The following NQO1 variants were observed in gnomAD, a reference collection of about 807,000 sequenced individuals.
NQO1 encodes the protein NAD(P)H quinone dehydrogenase 1, also known as NAD(P)H dehydrogenase [quinone] 1.
A neutral mutation model predicts 32.1 loss-of-function variants in NQO1; 30 were observed. That is an observed-to-expected ratio of 0.94 (90% CI 0.70 to 1.27). The LOEUF (loss-of-function observed/expected upper bound fraction) is 1.27, where lower values mean the gene tolerates loss of function less well. Among genes scored for constraint, NQO1 ranks in the 50% most tolerant of loss-of-function variants. NQO1 has a pLI of 0.00. For synonymous variants in NQO1, 109 were observed against 119.7 expected (o/e 0.91, Z 0.59); for missense variants, 276 against 331.3 (o/e 0.83, Z 1.30).
intron 3 of NQO1, among the ~76,000 whole-genome samples, chr16:69,716,160 C>T (rs1648060333): frequency 6.7e-6 from 1 of 148,530 alleles, no homozygotes; most frequent in African/African-American, 2.5e-5. Flanking sequence ...AGCAAGACTC[C>T]ATCTCTAAAT....
intron 3 of NQO1, among the ~76,000 whole-genome samples, chr16:69,716,186 A>ATC (rs1555537915): frequency 0.12 from 14,137 of 118,860 alleles, 840 homozygotes; most frequent in African/African-American, 0.19. Flanking sequence ...TAATAATAAT[A>ATC]ATAATAATCA....
intron 4 of NQO1, 21 bp downstream of exon 4, chr16:69,714,943 C>T (rs997519455): frequency 3.3e-6 from 5 of 1,536,018 alleles, no homozygotes; most frequent in South Asian, 2.2e-5. Context: ...GCTGTCAGAG[C>T]ATTCAGAACC....
chr16:69,723,892 A>G (rs1394437874), intron 1 of NQO1, among the ~76,000 whole-genome samples: 2 of 152,198 alleles, frequency 1.3e-5, no homozygotes, highest in Admixed American at 1.3e-4. Context: ...CCACTTAACT[A>G]GCTGAGCAAC....
chr16:69,710,365 A>T lies in NQO1; in HGVS notation c.*611T>A, dbSNP rs938867455. 4.6e-5 allele frequency: 7 copies of T among 151,502 alleles called. No individual in the cohort carries two copies. The highest frequency in any genetic ancestry group is 1.7e-4 in the African/African-American group (7 of 41,112). 9.4% of individuals were successfully genotyped at this position (151,502 alleles called of 1,614,324 possible). A position where few individuals can be genotyped will look rare whatever the true frequency, so the allele number is the denominator to read the frequency against. ...TTTTTTTTAATTAAAAAAAAAGTAG[A>T]TGACTGCAGCAAAGAAGAGATTTAT... On this transcript the variant is annotated 3_prime_UTR_variant, in exon 6 of 6. Coordinates refer to ENST00000320623, the MANE Select transcript of NQO1 (RefSeq NM_000903.3).
At position 69,710,057 on chromosome 16, in the gene NQO1, G is replaced by T. The variant is rs947759285; in HGVS notation, c.*919C>A. On this transcript the variant is annotated 3_prime_UTR_variant, in exon 6 of 6. Coordinates refer to ENST00000320623, the MANE Select transcript of NQO1 (RefSeq NM_000903.3). Reference sequence around the variant, plus strand: ...TAAAGTAGAAGATTGCAAGGGCCAGGTGTGGTGGATCACGCCTGTAATCCC... The same window carrying T: ...TAAAGTAGAAGATTGCAAGGGCCAGTTGTGGTGGATCACGCCTGTAATCCC... 1.6e-5 allele frequency: 5 copies of T among 313,628 alleles called. No individual in the cohort carries two copies. The highest frequency in any genetic ancestry group is 2.9e-5 in the Non-Finnish European group (5 of 173,402). 19.4% of individuals were successfully genotyped at this position (313,628 alleles called of 1,614,324 possible). A position where few individuals can be genotyped will look rare whatever the true frequency, so the allele number is the denominator to read the frequency against.
At chr16:69,716,448 C>T (rs1257050724) in intron 3 of NQO1, among the ~76,000 whole-genome samples, 1 of 151,476 alleles carries the variant, frequency 6.6e-6, no homozygotes, top group Non-Finnish European at 1.5e-5. Context: ...GCCGAGATTG[C>T]ACCATTGCAC....
At chr16:69,715,990 G>A (rs2038107307) in intron 3 of NQO1, among the ~76,000 whole-genome samples, 1 of 150,586 alleles carries the variant, frequency 6.6e-6, no homozygotes, top group Non-Finnish European at 1.5e-5. Context: ...AACAAAGTGA[G>A]ACTTTGTCTC....
intron 3 of NQO1, among the ~76,000 whole-genome samples, chr16:69,715,589 G>A (rs1044781136): frequency 1.3e-5 from 2 of 152,078 alleles, no homozygotes; most frequent in African/African-American, 4.8e-5. Context: ...CCAACATGGT[G>A]AAACCTCATC....
At chr16:69,715,134 T>C in intron 3 of NQO1, 57 bp from the exon 4 acceptor site, 1 of 1,318,296 alleles carries the variant, frequency 7.6e-7, no homozygotes, top group Admixed American at 1.7e-5. Flanking sequence ...GCCCAGAAGG[T>C]GGCTCGGAGT....
At chr16:69,713,850 G>A (rs2038073308) in intron 4 of NQO1, among the ~76,000 whole-genome samples, 1 of 151,006 alleles carries the variant, frequency 6.6e-6, no homozygotes, top group Non-Finnish European at 1.5e-5. Context: ...GATTACAGGT[G>A]CCCACCACCA....
rs1373529993 is a variant in NQO1 at position 69,715,538 on chromosome 16, C to T, written c.304-461G>A. ...ATCCCAGCCCTTTGGGAGGCCAAGG[C>T]GGGTGGATCACTTGAGGGCATGAGT... On this transcript the variant is annotated intron_variant, in intron 3 of 5. Transcript: ENST00000320623. 1.3e-4 allele frequency among the ~76,000 whole-genome samples: 20 copies of T among 152,094 alleles called. No individual in the cohort carries two copies. The South Asian group carries it at 2.3e-3, about 17-fold the overall frequency.
rs1057304361 is a variant in NQO1 at position 69,710,170 on chromosome 16, T to A, written c.*806A>T. On this transcript the variant is annotated 3_prime_UTR_variant, in exon 6 of 6. Coordinates refer to ENST00000320623, the MANE Select transcript of NQO1 (RefSeq NM_000903.3). ...CAACATGGTGAAACGCCGTCTCTAC[T>A]AAAAATACAAAAATTAGTCAGGCAT... 2 of 157,580 alleles carry A rather than the reference T, an allele frequency of 1.3e-5. No homozygotes were observed. Among genetic ancestry groups the A allele is most frequent in the African/African-American group, 4.8e-5 (2 of 41,468 alleles). The allele number at this position is 157,580 out of a possible 1,614,324, so 9.8% of individuals were successfully genotyped here. A position where few individuals can be genotyped will look rare whatever the true frequency, so the allele number is the denominator to read the frequency against.
chr16:69,711,035 CAGAA>C lies in NQO1; in HGVS notation c.762_765del (p.Ser255TrpfsTer23), dbSNP rs752026143. ...ATGGACTTGCCCAAGTGATGGCCCA[CAGAA>C]AGGCCAAATTTCTTGTTTTTCTCCT... On this transcript the variant is annotated frameshift_variant, in exon 6 of 6. Transcript: ENST00000320623. LOFTEE classifies it high-confidence loss of function. 1 of 1,614,208 alleles carries C rather than the reference CAGAA, an allele frequency of 6.2e-7. No individual in the cohort carries two copies. The highest frequency in any genetic ancestry group is 8.5e-7 in the Non-Finnish European group (1 of 1,180,044).
At chr16:69,722,160 CAGGGTG>C (rs764185279) in intron 1 of NQO1, among the ~76,000 whole-genome samples, 5 of 51,050 alleles carry the variant, frequency 9.8e-5, no homozygotes, top group African/African-American at 4.3e-4. Flanking sequence ...ACTTTTTTGG[CAGGGTG>C]GGGGTGGGGG....
Position 69,718,268 on chromosome 16 carries a change from AAGAG to A in NQO1, c.173-19_173-16del, listed in dbSNP as rs771505464. ...CTTCAGTTTACCTGCAGAGAAGAAAAAGAGAGGCTGGGGCCAGAGGGGCCAAAGC... is the reference window on the plus strand; with the variant it reads ...CTTCAGTTTACCTGCAGAGAAGAAAAAGGCTGGGGCCAGAGGGGCCAAAGC... On this transcript the variant is annotated splice_polypyrimidine_tract_variant and intron_variant, in intron 2 of 5. Transcript: ENST00000320623. 78 of 1,613,810 alleles carry A rather than the reference AAGAG, an allele frequency of 4.8e-5. 4 individuals are homozygous for A. The South Asian group carries it at 8.2e-4, about 17-fold the overall frequency.
intron 3 of NQO1, among the ~76,000 whole-genome samples, chr16:69,715,292 A>G (rs1372978271): frequency 6.6e-6 from 1 of 152,236 alleles, no homozygotes; most frequent in Non-Finnish European, 1.5e-5. Flanking sequence ...TGAAAATGCA[A>G]ATATTGAGTG....
chr16:69,723,009 G>A (rs1200984558), intron 1 of NQO1, among the ~76,000 whole-genome samples: 3 of 152,080 alleles, frequency 2.0e-5, no homozygotes, highest in Non-Finnish European at 4.4e-5. Flanking sequence ...CTCACTGCAA[G>A]CTCCGCCTCC....
intron 1 of NQO1, among the ~76,000 whole-genome samples, chr16:69,719,104 C>G (rs148083147): frequency 6.6e-6 from 1 of 151,626 alleles, no homozygotes; most frequent in Non-Finnish European, 1.5e-5. Context: ...TTTACCCATT[C>G]GTTTACATGG....
chr16:69,714,655 A>G (rs1055841917), intron 4 of NQO1, among the ~76,000 whole-genome samples: 4 of 150,490 alleles, frequency 2.7e-5, no homozygotes, highest in Non-Finnish European at 5.9e-5. Context: ...TGAGGCGGGT[A>G]GATCACCTGA....
Sources: gnomAD v4.1 joint callset for allele counts (sites outside exome capture counted in the v4.1 genomes callset) on GRCh38, gnomAD v4.1.1 for gene constraint, MANE v1.5 for transcripts, NCBI Gene and HGNC (gene_info 2026-07-23, HGNC 2026-07-21) for gene names.